Variants in MPP2 observed in about 807,000 individuals in gnomAD.
MPP2 encodes MAGUK p55 scaffold protein 2.
MPP2 carries 42 observed loss-of-function variants against 58.5 expected under a neutral mutation model. The observed-to-expected ratio is 0.72, with a 90% CI of 0.56 to 0.93. MPP2 has a LOEUF of 0.93. Among genes scored for constraint, MPP2 ranks in the 40% least tolerant of loss-of-function variants. The pLI, the probability that MPP2 is intolerant of heterozygous loss-of-function variation, is 0.00. For synonymous variants in MPP2, 300 were observed against 307.8 expected (o/e 0.97, Z 0.26); for missense variants, 632 against 760.4 (o/e 0.83, Z 1.99).
At chr17:43,908,175 G>A (rs1031626319), upstream of MPP2, among the ~76,000 whole-genome samples, 1 of 152,216 alleles carries the variant, frequency 6.6e-6, no homozygotes. Flanking sequence ...TAACTGGCTA[G>A]CCTTCCTCAG....
chr17:43,881,132 T>C lies in MPP2; in HGVS notation c.946A>G (p.Lys316Glu). ...SGTLCGSLSG[K>E]KKKRMMYLTT... Reference sequence around the variant, plus strand: ...AAATACATCATTCGCTTCTTTTTCTTTCCTGAAAGGCTGCCGCATAGGGTC... The same window carrying C: ...AAATACATCATTCGCTTCTTTTTCTCTCCTGAAAGGCTGCCGCATAGGGTC... The change falls in exon 9 of 13, where the codon AAG becomes GAG. Residue 316 changes from lysine (K) to glutamate (E), a missense_variant. By Grantham distance (56) the Lys-to-Glu change is moderately conservative (BLOSUM62 1). Coordinates refer to ENST00000269095, the MANE Select transcript of MPP2 (RefSeq NM_005374.5). 6.2e-7 allele frequency: 1 copy of C among 1,613,908 alleles called. No individual in the cohort carries two copies. Among genetic ancestry groups the C allele is most frequent in the Non-Finnish European group, 8.5e-7 (1 of 1,179,974 alleles).
intron 3 of MPP2, among the ~76,000 whole-genome samples, chr17:43,889,817 G>C (rs12150412): frequency 2.1e-4 from 4 of 19,116 alleles, no homozygotes; most frequent in Non-Finnish European, 8.3e-4. Context: ...TTTTTTTTTT[G>C]TTTTTTTTTT....
chr17:43,884,019 T>C (rs1444958195), intron 3 of MPP2: 1 of 690,926 alleles, frequency 1.4e-6, no homozygotes, highest in Non-Finnish European at 2.6e-6. Flanking sequence ...CAATAATATA[T>C]ATGAAGACCA....
At chr17:43,895,789 C>A (rs958514231) in intron 3 of MPP2, among the ~76,000 whole-genome samples, 5 of 151,226 alleles carry the variant, frequency 3.3e-5, no homozygotes, top group African/African-American at 7.3e-5. Context: ...AGGTGCATGC[C>A]CCTACTCCCA....
At chr17:43,881,723 A>C in intron 6 of MPP2, 134 bp from the exon 7 acceptor site, 1 of 1,191,156 alleles carries the variant, frequency 8.4e-7, no homozygotes, top group Non-Finnish European at 1.2e-6. Flanking sequence ...TGATGCCTCC[A>C]GGCCTGCCCA....
In MPP2 at chr17:43,879,420, C is replaced by A. The variant is rs1298414242; in HGVS notation, c.1354-17G>T. 4 of 1,613,514 alleles carry A rather than the reference C, an allele frequency of 2.5e-6. No homozygotes were observed. The Admixed American group carries it at 6.7e-5, about 27-fold the overall frequency. On this transcript the variant is annotated splice_polypyrimidine_tract_variant and intron_variant, in intron 11 of 12. Coordinates refer to ENST00000269095, the MANE Select transcript of MPP2 (RefSeq NM_005374.5). This position sits in a 1 kb window ranked among gnomAD's most constrained non-coding sequence, Gnocchi z 4.1. ...CTTCACCGCCTGCAGAAGGAGAAGG[C>A]AAGGTAGGGAGTATATCCCCATGTC...
intron 6 of MPP2, 125 bp from the exon 7 acceptor site, chr17:43,881,714 G>A (rs1478279779): frequency 1.6e-6 from 2 of 1,271,984 alleles, no homozygotes; most frequent in Admixed American, 5.0e-5. Context: ...CTGCAGGAGT[G>A]ATGCCTCCAG....
At chr17:43,901,410 G>A in intron 2 of MPP2, 1 of 985,496 alleles carries the variant, frequency 1.0e-6, no homozygotes, top group Non-Finnish European at 1.2e-6. Flanking sequence ...GGAAAAATGA[G>A]GGCACATTTG....
chr17:43,883,198 G>A lies in MPP2; in HGVS notation c.303+5C>T. 2 of 1,600,934 alleles carry A rather than the reference G, an allele frequency of 1.2e-6. No homozygotes were observed. Among genetic ancestry groups the A allele is most frequent in the Non-Finnish European group, 1.7e-6 (2 of 1,172,774 alleles). On this transcript the variant is annotated splice_donor_5th_base_variant and intron_variant, in intron 4 of 12. Transcript: ENST00000269095. The stretch of plus-strand genomic sequence containing the variant: ...TCCCTCACCCCAGCCCTAGCAGCCA[G>A]GAACCTGGAAGTGGGGCTCCTGGAG...
At chr17:43,881,713 T>TG in intron 6 of MPP2, 124 bp from the exon 7 acceptor site, 1 of 1,302,824 alleles carries the variant, frequency 7.7e-7, no homozygotes, top group Non-Finnish European at 1.0e-6. Flanking sequence ...CCTGCAGGAG[T>TG]GATGCCTCCA....
intron 3 of MPP2, among the ~76,000 whole-genome samples, chr17:43,885,522 T>C (rs1334765135): frequency 1.3e-5 from 2 of 152,222 alleles, no homozygotes; most frequent in Non-Finnish European, 2.9e-5. Context: ...CATTAGTAGA[T>C]ACTAATGGCT....
rs140575754 is a variant in MPP2 at position 43,877,158 on chromosome 17, C to G, written c.*649G>C. Reference sequence around the variant, plus strand: ...GAGAAGCTGTGGATGAGGGAAGGACCGAGCAGCATCTGCCCTGCGACCCTG... The same window carrying G: ...GAGAAGCTGTGGATGAGGGAAGGACGGAGCAGCATCTGCCCTGCGACCCTG... On this transcript the variant is annotated 3_prime_UTR_variant, in exon 13 of 13. Transcript: ENST00000269095. 4 of 152,958 alleles carry G rather than the reference C, an allele frequency of 2.6e-5. No homozygotes were observed. The highest frequency in any genetic ancestry group is 9.6e-5 in the African/African-American group (4 of 41,464). 9.5% of individuals were successfully genotyped at this position (152,958 alleles called of 1,614,324 possible).
chr17:43,900,698 G>A (rs2048059866), intron 2 of MPP2: 2 of 1,373,474 alleles, frequency 1.5e-6, no homozygotes, highest in Non-Finnish European at 9.5e-7. Context: ...CAGCCGCCGT[G>A]ACCGCCTTGC....
intron 2 of MPP2, among the ~76,000 whole-genome samples, chr17:43,903,403 A>G (rs2048171607): frequency 6.6e-6 from 1 of 152,190 alleles, no homozygotes. Flanking sequence ...ATGCCAAAAT[A>G]ACAACTCAGG....
At position 43,880,825 on chromosome 17, in the gene MPP2, T is replaced by G; in HGVS notation, c.1016A>C (p.Tyr339Ser). The change falls in exon 10 of 13, where the codon TAT becomes TCT. Residue 339 changes from tyrosine (Y) to serine (S), a missense_variant. Tyr to Ser is a moderately radical substitution (Grantham distance 144). Transcript: ENST00000269095. The surrounding 1 kb of genome is among the most constrained non-coding windows in gnomAD (Gnocchi z 5.2). ...CGGGGGCATGCGGGCCACCTCCTCATAAATGAGCAGCTCATGACGGTCAAA... is the reference window on the plus strand; with the variant it reads ...CGGGGGCATGCGGGCCACCTCCTCAGAAATGAGCAGCTCATGACGGTCAAA... The part of the protein sequence containing the change: ...AEFDRHELLI[Y>S]EEVARMPPFR... 2 of 1,610,744 alleles carry G rather than the reference T, an allele frequency of 1.2e-6. No homozygotes were observed. Among genetic ancestry groups the G allele is most frequent in the Non-Finnish European group, 1.7e-6 (2 of 1,177,924 alleles).
At chr17:43,903,960 T>C (rs998298071) in intron 2 of MPP2, among the ~76,000 whole-genome samples, 3 of 152,344 alleles carry the variant, frequency 2.0e-5, no homozygotes, top group African/African-American at 7.2e-5. Context: ...CACAGCTTCC[T>C]GGTCCCCAGT....
chr17:43,881,337 C>T lies in MPP2; in HGVS notation c.826G>A (p.Glu276Lys), dbSNP rs2047107696. 8.1e-6 allele frequency: 13 copies of T among 1,614,108 alleles called. No individual in the cohort carries two copies. The highest frequency in any genetic ancestry group is 2.2e-5 in the East Asian group (1 of 44,848). The change falls in exon 8 of 13, where the codon GAA (glutamate) becomes AAA (lysine). Residue 276 changes from glutamate (E) to lysine (K), a missense_variant. Glu to Lys is a moderately conservative substitution (Grantham distance 56). Transcript: ENST00000269095. ...DANWWQACHV[E>K]GGSAGLIPSQ... ...GGAATGAGCCCAGCACTGCCCCCTT[C>T]GACATGGCATGCCTAAAACGGACAT...
chr17:43,884,804 A>AT (rs35901677), intron 3 of MPP2, among the ~76,000 whole-genome samples: 134,562 of 152,176 alleles, frequency 0.88, 59,613 homozygotes, highest in East Asian at 1. Context: ...TTCCTTCTAC[A>AT]TTATTGGCAT....
rs769356972 is a variant in MPP2 at position 43,881,537 on chromosome 17, G to C, written c.734C>G (p.Pro245Arg). The C allele has an allele frequency of 6.2e-6, 10 of 1,614,024 alleles. No homozygotes were observed. Among genetic ancestry groups the C allele is most frequent in the Non-Finnish European group, 8.5e-6 (10 of 1,180,008 alleles). ...GAAGCGCAGGCCTGCTTCCTTGCAG[G>C]GGATGAGGCTGTCTCGGGCCGGGTC... is the stretch of plus-strand genomic sequence containing the variant. ...DYDPARDSLI[P>R]CKEAGLRFNA... is the part of the protein sequence containing the mutation. The change falls in exon 7 of 13, where the codon CCC becomes CGC. Residue 245 changes from proline to arginine, a missense_variant. Coordinates refer to ENST00000269095, the MANE Select transcript of MPP2 (RefSeq NM_005374.5).
Sources: gnomAD v4.1 joint callset for allele counts (sites outside exome capture counted in the v4.1 genomes callset) on GRCh38, gnomAD v4.1.1 for gene constraint, Gnocchi (gnomAD v3.1) non-coding constraint, MANE v1.5 for transcripts, NCBI Gene and HGNC (gene_info 2026-07-23, HGNC 2026-07-21) for gene names.